MAD1L1: variants seen among roughly 807,000 people sequenced by gnomAD.
The protein encoded by MAD1L1 is mitotic spindle assembly checkpoint protein MAD1.
A neutral mutation model predicts 96.9 loss-of-function variants in MAD1L1; 95 were observed. The observed-to-expected ratio is 0.98, with a 90% CI of 0.83 to 1.16. MAD1L1 has a LOEUF of 1.16. Ranked by LOEUF, MAD1L1 falls within the 50% of genes most tolerant of loss-of-function variation. MAD1L1 has a pLI of 0.00. For missense variants in MAD1L1, 1,007 were observed against 954.4 expected, an observed-to-expected ratio of 1.06 and a Z score of -0.73; for synonymous variants, 473 against 396.6, an observed-to-expected ratio of 1.19 and a Z score of -2.29.
intron 17 of MAD1L1, among the ~76,000 whole-genome samples, chr7:1,907,970 C>A (rs1022247324): frequency 6.6e-6 from 1 of 152,222 alleles, no homozygotes; most frequent in Non-Finnish European, 1.5e-5. Context: ...CAGGAGACAG[C>A]GGCCCGTGAC....
chr7:2,026,884 G>T (rs1294527480), intron 12 of MAD1L1, among the ~76,000 whole-genome samples: 1 of 152,026 alleles, frequency 6.6e-6, no homozygotes, highest in Non-Finnish European at 1.5e-5. Flanking sequence ...CATCAAATTA[G>T]ACTCAAAGAA....
At chr7:2,033,365 G>A (rs1783319704) in intron 12 of MAD1L1, among the ~76,000 whole-genome samples, 1 of 152,218 alleles carries the variant, frequency 6.6e-6, no homozygotes, top group African/African-American at 2.4e-5. Flanking sequence ...GATACTCCAT[G>A]GAGCAAGGCC....
chr7:1,839,284 A>G (rs974007568), intron 18 of MAD1L1, among the ~76,000 whole-genome samples: 26 of 151,934 alleles, frequency 1.7e-4, no homozygotes, highest in South Asian at 6.2e-4. Context: ...CCCACCCAGG[A>G]CAGACACTCG....
intron 18 of MAD1L1, among the ~76,000 whole-genome samples, chr7:1,881,244 T>C (rs1266525304): frequency 6.6e-6 from 1 of 152,170 alleles, no homozygotes; most frequent in Non-Finnish European, 1.5e-5. Context: ...GGTCACGCAT[T>C]TGAATTAACC....
chr7:2,092,135 C>T (rs895977114), intron 11 of MAD1L1, among the ~76,000 whole-genome samples: 1 of 152,248 alleles, frequency 6.6e-6, no homozygotes, highest in Non-Finnish European at 1.5e-5. Context: ...GGCTCCACGT[C>T]TCCACCAGCA....
At chr7:2,003,554 AG>A (rs112027685) in intron 13 of MAD1L1, among the ~76,000 whole-genome samples, 43,338 of 151,920 alleles carry the variant, frequency 0.29, 6,862 homozygotes, top group Non-Finnish European at 0.37. Context: ...AGTCAAACCC[AG>A]GCTCCAGGTG....
At chr7:1,929,724 C>CCCCCACTGCCACGTCCCCTCGCCCCGT (rs1789324013) in intron 17 of MAD1L1, among the ~76,000 whole-genome samples, 1 of 114,626 alleles carries the variant, frequency 8.7e-6, no homozygotes. Flanking sequence ...CCTCGCCCAT[C>CCCCCACTGCCACGTCCCCTCGCCCCGT]CCCCACTGCC....
chr7:1,852,383 GC>G (rs1319070333), intron 18 of MAD1L1, among the ~76,000 whole-genome samples: 1 of 152,090 alleles, frequency 6.6e-6, no homozygotes, highest in Non-Finnish European at 1.5e-5. Context: ...TAGACTCAGA[GC>G]CCCAGGAGCT....
chr7:1,966,190 G>A (rs1189711952), intron 15 of MAD1L1, among the ~76,000 whole-genome samples: 2 of 152,246 alleles, frequency 1.3e-5, no homozygotes, highest in African/African-American at 4.8e-5. Context: ...ACAGAAGGTC[G>A]CTGGGACCTG....
At chr7:1,988,401 C>A (rs764043176) in intron 14 of MAD1L1, among the ~76,000 whole-genome samples, 1 of 152,174 alleles carries the variant, frequency 6.6e-6, no homozygotes, top group South Asian at 2.1e-4. Context: ...CTTTGTGGAG[C>A]GCCCAGCCTA....
intron 6 of MAD1L1, 99 bp downstream of exon 6, chr7:2,219,233 G>T: frequency 1.8e-6 from 2 of 1,132,980 alleles, no homozygotes; most frequent in South Asian, 1.5e-5. Context: ...GACAGCATCT[G>T]GGAGTGTATC....
At chr7:1,923,833 G>T (rs1344417126) in intron 17 of MAD1L1, among the ~76,000 whole-genome samples, 1 of 152,250 alleles carries the variant, frequency 6.6e-6, no homozygotes, top group Non-Finnish European at 1.5e-5. Flanking sequence ...CCCCACAGGT[G>T]TGAGAGTTGG....
chr7:1,907,824 C>G (rs1427858367), intron 17 of MAD1L1, among the ~76,000 whole-genome samples: 1 of 152,266 alleles, frequency 6.6e-6, no homozygotes, highest in African/African-American at 2.4e-5. Flanking sequence ...GGCGCGGGAT[C>G]TGAGTGGCGG....
chr7:1,891,206 T>C (rs1335868281), intron 18 of MAD1L1, among the ~76,000 whole-genome samples: 1 of 152,240 alleles, frequency 6.6e-6, no homozygotes, highest in African/African-American at 2.4e-5. Flanking sequence ...GATGTGCTTG[T>C]GCTTTAAGCT....
intron 17 of MAD1L1, among the ~76,000 whole-genome samples, chr7:1,903,667 G>A (rs1787421701): frequency 2.1e-5 from 3 of 146,006 alleles, no homozygotes; most frequent in Admixed American, 6.8e-5. Flanking sequence ...GGACGCAGTG[G>A]CCTATGGAAG....
At chr7:2,043,626 G>A (rs917234986) in intron 12 of MAD1L1, among the ~76,000 whole-genome samples, 2 of 152,186 alleles carry the variant, frequency 1.3e-5, no homozygotes, top group African/African-American at 4.8e-5. Flanking sequence ...GCAGAGTGGA[G>A]GCACGCGGAG....
intron 17 of MAD1L1, among the ~76,000 whole-genome samples, chr7:1,923,205 G>C (rs1212157363): frequency 6.6e-6 from 1 of 152,204 alleles, no homozygotes; most frequent in African/African-American, 2.4e-5. Flanking sequence ...TAGGATTAAT[G>C]AGACGATCTA....
chr7:2,117,990 A>AC lies in MAD1L1; in HGVS notation c.1073+31161dup, dbSNP rs544625009. On this transcript the variant is annotated intron_variant, in intron 11 of 18. Transcript: ENST00000265854. ...TGCACAGCAATGGCCCCTCAAGTAC[A>AC]CCCCCAAATGTTCCCTAGTGTCCCT... Among the ~76,000 whole-genome samples the AC allele has an allele frequency of 3.4e-3, 511 of 151,718 alleles. 5 individuals carry two copies. Among genetic ancestry groups the AC allele is most frequent in the Non-Finnish European group, 4.4e-3 (299 of 67,906 alleles).
At chr7:1,864,861 G>A (rs1334239422) in intron 18 of MAD1L1, among the ~76,000 whole-genome samples, 1 of 152,184 alleles carries the variant, frequency 6.6e-6, no homozygotes, top group East Asian at 1.9e-4. Flanking sequence ...CTTCTGCCAG[G>A]AGTGGATGCG....
Sources: gnomAD v4.1 joint callset for allele counts (sites outside exome capture counted in the v4.1 genomes callset) on GRCh38, gnomAD v4.1.1 for gene constraint, MANE v1.5 for transcripts, NCBI Gene and HGNC (gene_info 2026-07-23, HGNC 2026-07-21) for gene names.